SLC30A8: variants seen among roughly 807,000 people sequenced by gnomAD.
SLC30A8 encodes proton-coupled zinc antiporter SLC30A8.
Under a neutral mutation model 36.9 loss-of-function variants are expected in SLC30A8, and 27 were observed. The ratio of observed to expected loss-of-function variants is 0.73; its 90% CI spans 0.54 to 1.01. The LOEUF (loss-of-function observed/expected upper bound fraction) is 1.01, where lower values mean the gene tolerates loss of function less well. SLC30A8 is among the 50% of genes least tolerant of loss of function. The pLI is 0.00. For missense variants in SLC30A8, 439 were observed against 452.0 expected, an observed-to-expected ratio of 0.97 and a Z score of 0.26; for synonymous variants, 164 against 172.4, an observed-to-expected ratio of 0.95 and a Z score of 0.38.
At chr8:117,023,565 T>C (rs1816776975) in intron 1 of SLC30A8, among the ~76,000 whole-genome samples, 1 of 152,100 alleles carries the variant, frequency 6.6e-6, no homozygotes. Context: ...GTTCATGTAT[T>C]TTGTAGGGAC....
intron 2 of SLC30A8, among the ~76,000 whole-genome samples, chr8:117,053,375 T>C (rs1418442971): frequency 1.3e-5 from 2 of 152,178 alleles, no homozygotes; most frequent in African/African-American, 4.8e-5. Context: ...TGCATGTACA[T>C]GTATTTAAAG....
chr8:117,028,483 G>A (rs1410424367), intron 1 of SLC30A8, among the ~76,000 whole-genome samples: 1 of 151,892 alleles, frequency 6.6e-6, no homozygotes, highest in African/African-American at 2.4e-5. Context: ...GAAAATTTTG[G>A]AATTAGAAAC....
intron 2 of SLC30A8, among the ~76,000 whole-genome samples, chr8:117,097,585 AAT>A (rs1387862902): frequency 0.013 from 1,152 of 90,296 alleles, no homozygotes; most frequent in East Asian, 0.033. Context: ...AATTTTAAAT[AAT>A]ATATATTATA....
At chr8:117,024,608 T>G (rs556456149) in intron 1 of SLC30A8, among the ~76,000 whole-genome samples, 1 of 152,368 alleles carries the variant, frequency 6.6e-6, no homozygotes, top group Admixed American at 6.5e-5. Flanking sequence ...TTCAATTTTA[T>G]GAACCCTAGC....
At chr8:117,056,529 C>G (rs1413270376) in intron 2 of SLC30A8, among the ~76,000 whole-genome samples, 1 of 122,802 alleles carries the variant, frequency 8.1e-6, no homozygotes, top group Non-Finnish European at 1.7e-5. Context: ...ATGGATTTCT[C>G]TTTTTCTTTC....
chr8:117,097,302 G>A (rs1819412957), intron 2 of SLC30A8, among the ~76,000 whole-genome samples: 1 of 144,646 alleles, frequency 6.9e-6, no homozygotes, highest in African/African-American at 2.6e-5. Context: ...GGGAGGCTGA[G>A]GAAGGAGAAT....
intron 1 of SLC30A8, among the ~76,000 whole-genome samples, chr8:116,957,965 T>C (rs1814275128): frequency 6.6e-6 from 1 of 152,178 alleles, no homozygotes; most frequent in East Asian, 1.9e-4. Flanking sequence ...CTGTCACCCA[T>C]CTTCCCCACA....
At chr8:117,096,850 C>T (rs1017187360) in intron 2 of SLC30A8, among the ~76,000 whole-genome samples, 2 of 152,052 alleles carry the variant, frequency 1.3e-5, no homozygotes, top group East Asian at 3.9e-4. Context: ...GTCTTTGAAG[C>T]CTGCACCTCT....
At chr8:117,011,263 T>C (rs1208309711) in intron 1 of SLC30A8, among the ~76,000 whole-genome samples, 1 of 152,144 alleles carries the variant, frequency 6.6e-6, no homozygotes, top group Non-Finnish European at 1.5e-5. Context: ...GTGAACCAAC[T>C]CTCTTTTTGA....
intron 1 of SLC30A8, among the ~76,000 whole-genome samples, chr8:117,036,470 G>A (rs747088397): frequency 1.6e-4 from 24 of 152,166 alleles, no homozygotes; most frequent in Admixed American, 6.5e-4. Flanking sequence ...TTGCTATAAA[G>A]AACTACCCAA....
At chr8:117,007,623 T>G (rs1402633447) in intron 1 of SLC30A8, among the ~76,000 whole-genome samples, 1 of 152,232 alleles carries the variant, frequency 6.6e-6, no homozygotes, top group African/African-American at 2.4e-5. Flanking sequence ...AGTCATGATG[T>G]GTGAGTTAAA....
chr8:116,986,449 G>T (rs946451303), intron 1 of SLC30A8, among the ~76,000 whole-genome samples: 16 of 152,308 alleles, frequency 1.1e-4, no homozygotes, highest in African/African-American at 3.4e-4. Flanking sequence ...CAATAGGGTA[G>T]AAAGGGCAGT....
At chr8:117,048,533 C>T (rs999883750) in intron 2 of SLC30A8, among the ~76,000 whole-genome samples, 1 of 152,240 alleles carries the variant, frequency 6.6e-6, no homozygotes, top group Middle Eastern at 3.4e-3. Flanking sequence ...TGCTTCCCAT[C>T]CTTTGGTTGA....
At chr8:117,004,562 A>G (rs543904126) in intron 1 of SLC30A8, among the ~76,000 whole-genome samples, 1 of 152,278 alleles carries the variant, frequency 6.6e-6, no homozygotes, top group East Asian at 1.9e-4. Context: ...CTCGGAGGAT[A>G]ATTGATACCA....
intron 1 of SLC30A8, among the ~76,000 whole-genome samples, chr8:117,005,151 C>T (rs1344819743): frequency 6.6e-6 from 1 of 152,168 alleles, no homozygotes; most frequent in Non-Finnish European, 1.5e-5. Context: ...CATTAGCTGT[C>T]ACTCCCCAAT....
At chr8:117,027,941 A>G (rs1412077624) in intron 1 of SLC30A8, among the ~76,000 whole-genome samples, 1 of 152,180 alleles carries the variant, frequency 6.6e-6, no homozygotes, top group Admixed American at 6.5e-5. Flanking sequence ...CTTCACGTAT[A>G]AAATATTTCA....
At chr8:117,094,340 CAGCAGCTCAGAGGAG>C (rs1378884267) in intron 2 of SLC30A8, among the ~76,000 whole-genome samples, 11 of 152,184 alleles carry the variant, frequency 7.2e-5, no homozygotes, top group Non-Finnish European at 2.9e-5. Context: ...TTTTATTGAG[CAGCAGCTCAGAGGAG>C]AACAGCTCAG....
At position 117,097,670 on chromosome 8, in the gene SLC30A8, T is replaced by A; in HGVS notation, c.-225-37610T>A. Among the ~76,000 whole-genome samples, 26 of 36,050 alleles carry A rather than the reference T, an allele frequency of 7.2e-4. 4 individuals carry two copies. Among genetic ancestry groups the A allele is most frequent in the African/African-American group, 1.3e-3 (3 of 2,238 alleles). The allele number at this position is 36,050 out of a possible 152,430, so 23.7% of individuals were successfully genotyped here. ...TTAAATAATATATATAATATATAAT[T>A]TTAAATAATATATATTATATATAAT... On this transcript the variant is annotated intron_variant, in intron 2 of 10. Coordinates refer to the SLC30A8 transcript ENST00000427715.
intron 1 of SLC30A8, among the ~76,000 whole-genome samples, chr8:117,038,530 A>G (rs2130752416): frequency 6.6e-6 from 1 of 152,194 alleles, no homozygotes; most frequent in East Asian, 1.9e-4. Flanking sequence ...TCCTGTACTA[A>G]TGTACATTTA....
Sources: allele counts gnomAD v4.1 joint callset (sites outside exome capture counted in the v4.1 genomes callset), GRCh38; gene constraint gnomAD v4.1.1; transcripts MANE v1.5; gene names NCBI Gene and HGNC (gene_info 2026-07-23, HGNC 2026-07-21).